RBFOX1: variants seen among roughly 807,000 people sequenced by gnomAD.
RBFOX1 encodes RNA binding fox-1 homolog 1.
Under a neutral mutation model 57.7 loss-of-function variants are expected in RBFOX1, and 8 were observed. The observed-to-expected ratio is 0.14, with a 90% CI of 0.08 to 0.25. RBFOX1 has a LOEUF of 0.25. RBFOX1 is among the 10% of genes least tolerant of loss of function. The pLI is 1.00. For synonymous variants in RBFOX1, 326 were observed against 222.4 expected, an observed-to-expected ratio of 1.47 and a Z score of -4.15; for missense variants, 611 against 548.5, an observed-to-expected ratio of 1.11 and a Z score of -1.14.
intron 2 of RBFOX1, among the ~76,000 whole-genome samples, chr16:5,554,454 A>T (rs1218117716): frequency 6.6e-6 from 1 of 152,234 alleles, no homozygotes; most frequent in Non-Finnish European, 1.5e-5. Flanking sequence ...ATTAAAAAGT[A>T]TCTAAGAGTA....
At chr16:7,310,314 G>A (rs1412588362) in intron 4 of RBFOX1, among the ~76,000 whole-genome samples, 1 of 152,220 alleles carries the variant, frequency 6.6e-6, no homozygotes, top group Non-Finnish European at 1.5e-5. Context: ...TCCTGAGAGG[G>A]TTTGGGGAAA....
intron 5 of RBFOX1, among the ~76,000 whole-genome samples, chr16:7,530,160 T>A (rs2079679750): frequency 6.6e-6 from 1 of 152,166 alleles, no homozygotes; most frequent in Non-Finnish European, 1.5e-5. Context: ...ATCTTCCTGC[T>A]TCATTTACGA....
intron 1 of RBFOX1, among the ~76,000 whole-genome samples, chr16:6,277,112 G>C (rs530738238): frequency 6.6e-6 from 1 of 152,198 alleles, no homozygotes; most frequent in East Asian, 1.9e-4. Context: ...CACAATTGCC[G>C]GAGGTTCAGA....
chr16:6,252,183 C>T (rs770481645), intron 1 of RBFOX1, among the ~76,000 whole-genome samples: 23 of 152,016 alleles, frequency 1.5e-4, no homozygotes, highest in Non-Finnish European at 2.4e-4. Flanking sequence ...CGTCCCTGCA[C>T]CCATCCCGCA....
intron 3 of RBFOX1, among the ~76,000 whole-genome samples, chr16:6,916,089 G>C (rs2073098058): frequency 2.0e-5 from 3 of 152,142 alleles, no homozygotes; most frequent in Admixed American, 1.3e-4. Context: ...ATATACCTTA[G>C]GGAAAGGGCA....
chr16:5,356,077 C>T (rs539316648), intron 1 of RBFOX1, among the ~76,000 whole-genome samples: 36 of 152,162 alleles, frequency 2.4e-4, no homozygotes, highest in Non-Finnish European at 4.1e-4. Context: ...GGTGACAGAG[C>T]GAAACTCATT....
intron 1 of RBFOX1, among the ~76,000 whole-genome samples, chr16:6,304,011 C>A (rs1481210395): frequency 1.3e-5 from 2 of 151,514 alleles, no homozygotes; most frequent in East Asian, 2.0e-4. Flanking sequence ...GGGGTTTCAC[C>A]ATGTTGATCA....
chr16:6,125,660 A>T (rs1421048920), intron 1 of RBFOX1, among the ~76,000 whole-genome samples: 2 of 152,110 alleles, frequency 1.3e-5, no homozygotes, highest in East Asian at 3.9e-4. Flanking sequence ...AGGCCTTGGG[A>T]GCTGACTGCA....
chr16:7,127,824 G>A (rs139999430), intron 4 of RBFOX1, among the ~76,000 whole-genome samples: 32 of 152,318 alleles, frequency 2.1e-4, no homozygotes, highest in Non-Finnish European at 4.3e-4. Flanking sequence ...GAGAGCAAAG[G>A]TCGTTTGCAA....
At chr16:5,727,925 G>A (rs1423521730) in intron 3 of RBFOX1, among the ~76,000 whole-genome samples, 1 of 152,174 alleles carries the variant, frequency 6.6e-6, no homozygotes, top group Non-Finnish European at 1.5e-5. Flanking sequence ...GGCCTCAAGT[G>A]GTCCTTCCAC....
chr16:5,915,442 A>G lies in RBFOX1; in HGVS notation c.351+48107A>G, dbSNP rs111693505. 1.1e-3 allele frequency among the ~76,000 whole-genome samples: 169 copies of G among 152,348 alleles called. 2 individuals are homozygous for G. Among genetic ancestry groups the G allele is most frequent in the African/African-American group, 3.8e-3 (156 of 41,576 alleles). On this transcript the variant is annotated intron_variant, in intron 4 of 19. Coordinates refer to the RBFOX1 transcript ENST00000641259. The stretch of plus-strand genomic sequence containing the variant: ...CATTCATCCATTCAATGAACACTTT[A>G]GTGCCTACTTATTCCTTGGGGCTAA...
At chr16:7,103,678 T>C (rs1309995989) in intron 4 of RBFOX1, among the ~76,000 whole-genome samples, 1 of 152,162 alleles carries the variant, frequency 6.6e-6, no homozygotes, top group Non-Finnish European at 1.5e-5. Flanking sequence ...ATAATAAAAA[T>C]GACTTAAAGA....
chr16:6,643,874 C>G (rs2098511953), intron 2 of RBFOX1, among the ~76,000 whole-genome samples: 2 of 152,044 alleles, frequency 1.3e-5, no homozygotes, highest in South Asian at 2.1e-4. Flanking sequence ...GCCTGTAATC[C>G]CAGCACTTTC....
intron 3 of RBFOX1, among the ~76,000 whole-genome samples, chr16:6,761,199 G>A (rs1214427943): frequency 6.6e-6 from 1 of 152,070 alleles, no homozygotes; most frequent in Non-Finnish European, 1.5e-5. Flanking sequence ...ACTAAAGGAG[G>A]CAAATGAGCA....
At chr16:7,341,459 G>C (rs1447796057) in intron 4 of RBFOX1, among the ~76,000 whole-genome samples, 2 of 152,164 alleles carry the variant, frequency 1.3e-5, no homozygotes, top group African/African-American at 2.4e-5. Flanking sequence ...TCCGTCCTCA[G>C]AGGTTGCGTA....
intron 1 of RBFOX1, among the ~76,000 whole-genome samples, chr16:5,454,893 TC>T (rs2068553540): frequency 1.6e-5 from 2 of 122,056 alleles, no homozygotes; most frequent in East Asian, 2.5e-4. Flanking sequence ...TTTCTTTCTT[TC>T]TTTCTTTCTT....
At chr16:6,394,276 C>G (rs973535500) in intron 2 of RBFOX1, among the ~76,000 whole-genome samples, 3 of 152,112 alleles carry the variant, frequency 2.0e-5, no homozygotes, top group Non-Finnish European at 4.4e-5. Flanking sequence ...TAATGCTGAT[C>G]GAGGCATATT....
At chr16:6,533,829 C>T (rs1212075573) in intron 2 of RBFOX1, among the ~76,000 whole-genome samples, 1 of 152,096 alleles carries the variant, frequency 6.6e-6, no homozygotes, top group African/African-American at 2.4e-5. Flanking sequence ...TCAACATTTT[C>T]CCAGATAAAA....
At chr16:7,165,665 G>C (rs779815721) in intron 4 of RBFOX1, among the ~76,000 whole-genome samples, 9 of 151,824 alleles carry the variant, frequency 5.9e-5, no homozygotes, top group Non-Finnish European at 1.2e-4. Flanking sequence ...CCGATCTCAG[G>C]TGATCTGCCT....
Sources: gnomAD v4.1 joint callset for allele counts (sites outside exome capture counted in the v4.1 genomes callset) on GRCh38, gnomAD v4.1.1 for gene constraint, MANE v1.5 for transcripts, NCBI Gene and HGNC (gene_info 2026-07-23, HGNC 2026-07-21) for gene names.